The following LARP1B variants were observed in gnomAD, a reference collection of about 807,000 sequenced individuals.
LARP1B encodes La ribonucleoprotein 1B.
LARP1B carries 76 observed loss-of-function variants against 114.2 expected under a neutral mutation model. The observed-to-expected ratio is 0.67, with a 90% CI of 0.55 to 0.81. The LOEUF (loss-of-function observed/expected upper bound fraction) is 0.81, where lower values mean the gene tolerates loss of function less well. Among genes scored for constraint, LARP1B ranks in the 30% least tolerant of loss-of-function variants. LARP1B has a pLI of 0.00. For synonymous variants in LARP1B, 345 were observed against 348.0 expected (o/e 0.99, Z 0.10); for missense variants, 1,014 against 1,075.8 (o/e 0.94, Z 0.80).
intron 17 of LARP1B, among the ~76,000 whole-genome samples, chr4:128,204,380 C>T (rs1368696234): frequency 6.6e-6 from 1 of 152,014 alleles, no homozygotes; most frequent in Non-Finnish European, 1.5e-5. Context: ...AGAGGCCAGG[C>T]GTGGTGGCTC....
At chr4:128,103,963 T>C (rs1319670915) in intron 8 of LARP1B, among the ~76,000 whole-genome samples, 2 of 151,840 alleles carry the variant, frequency 1.3e-5, no homozygotes, top group Non-Finnish European at 2.9e-5. Context: ...TTTCTTTAAA[T>C]ATTTTCTTTT....
intron 7 of LARP1B, chr4:128,220,532 A>G (rs1759934645): frequency 6.0e-6 from 1 of 166,222 alleles, no homozygotes; most frequent in Admixed American, 6.5e-5. Context: ...TAATAGTCAT[A>G]TGTGTGTCTC....
At chr4:128,125,278 A>G (rs1789190191) in intron 11 of LARP1B, among the ~76,000 whole-genome samples, 1 of 151,842 alleles carries the variant, frequency 6.6e-6, no homozygotes, top group Admixed American at 6.6e-5. Context: ...TTCCCATTTA[A>G]TTGGTACCCA....
At chr4:128,214,775 G>A (rs1287089654), downstream of LARP1B, among the ~76,000 whole-genome samples, 5 of 45,012 alleles carry the variant, frequency 1.1e-4, no homozygotes, top group Admixed American at 2.5e-4. Context: ...CACCAGCAAC[G>A]GAACAAAGCT....
chr4:128,080,803 T>G (rs1770033098), intron 4 of LARP1B, among the ~76,000 whole-genome samples: 2 of 152,144 alleles, frequency 1.3e-5, no homozygotes, highest in Admixed American at 6.6e-5. Flanking sequence ...CTGTAAAATG[T>G]TCTGTCAAGT....
At chr4:128,157,142 A>C (rs903729432) in intron 11 of LARP1B, among the ~76,000 whole-genome samples, 3 of 152,244 alleles carry the variant, frequency 2.0e-5, no homozygotes, top group Middle Eastern at 3.4e-3. Flanking sequence ...ATAAGTTAAA[A>C]AATAAAAGAT....
At chr4:128,078,477 TGTA>T (rs1266305173) in intron 4 of LARP1B, among the ~76,000 whole-genome samples, 1 of 151,896 alleles carries the variant, frequency 6.6e-6, no homozygotes, top group Non-Finnish European at 1.5e-5. Context: ...GTTGCGCACT[TGTA>T]GTCCCAGCTA....
chr4:128,205,346 A>G (rs1757282189), intron 17 of LARP1B, among the ~76,000 whole-genome samples: 1 of 152,120 alleles, frequency 6.6e-6, no homozygotes, highest in Non-Finnish European at 1.5e-5. Flanking sequence ...GAGTGTTTTA[A>G]TTGTGGTATC....
chr4:128,174,231 GATGGCA>G (rs1269736723), intron 12 of LARP1B, among the ~76,000 whole-genome samples: 8 of 152,006 alleles, frequency 5.3e-5, no homozygotes, highest in Non-Finnish European at 7.4e-5. Context: ...ATGTTCAAGA[GATGGCA>G]TATGCTTTTG....
At chr4:128,084,517 C>A (rs527743581) in intron 5 of LARP1B, among the ~76,000 whole-genome samples, 2 of 151,984 alleles carry the variant, frequency 1.3e-5, no homozygotes, top group Admixed American at 1.3e-4. Context: ...CGCAGGCACT[C>A]GGCAGGCTGA....
Position 128,179,410 on chromosome 4 carries a change from C to A in LARP1B, c.1901C>A (p.Pro634Gln). ...GCTTGACTTTATTTTCTTTAGAGTC[C>A]AAGAAAGAGAAAAACAAGGCATAGC... ...KEPKAIDVKS[P>Q]RKRKTRHSTN... is the part of the protein sequence containing the mutation. Residue 634 changes from proline to glutamine, a missense_variant, in exon 15 of 20, where the codon CCA (proline) becomes CAA (glutamine). By Grantham distance (76) the Pro-to-Gln change is moderately conservative (BLOSUM62 -1). Coordinates refer to ENST00000326639, the MANE Select transcript of LARP1B (RefSeq NM_018078.4). The A allele has an allele frequency of 6.3e-7, 1 of 1,596,608 alleles. No homozygotes were observed. Among genetic ancestry groups the A allele is most frequent in the Non-Finnish European group, 8.5e-7 (1 of 1,171,776 alleles).
At chr4:128,090,689 A>C (rs1775593926) in intron 5 of LARP1B, among the ~76,000 whole-genome samples, 1 of 152,258 alleles carries the variant, frequency 6.6e-6, no homozygotes, top group Non-Finnish European at 1.5e-5. Context: ...GTACAAACTT[A>C]GTAGTCTTGG....
intron 9 of LARP1B, chr4:128,108,489 G>T (rs1266894788): frequency 1.0e-6 from 1 of 985,582 alleles, no homozygotes; most frequent in Non-Finnish European, 1.2e-6. Context: ...ATGTATTTTT[G>T]ATACATCAGT....
At chr4:128,140,908 C>G (rs577121688) in intron 11 of LARP1B, among the ~76,000 whole-genome samples, 2 of 151,498 alleles carry the variant, frequency 1.3e-5, no homozygotes, top group Non-Finnish European at 2.9e-5. Context: ...CTCCGCCTCC[C>G]GGGTTCAAGC....
chr4:128,117,162 A>C (rs188783076), intron 10 of LARP1B, among the ~76,000 whole-genome samples: 1 of 151,628 alleles, frequency 6.6e-6, no homozygotes, highest in African/African-American at 2.4e-5. Context: ...TTAGCCTCCC[A>C]AAGTGCTGGG....
chr4:128,142,682 A>G (rs1461973059), intron 11 of LARP1B, among the ~76,000 whole-genome samples: 2 of 151,564 alleles, frequency 1.3e-5, no homozygotes, highest in African/African-American at 4.8e-5. Context: ...CTAATTTTGT[A>G]TTTTTAGTAG....
intron 9 of LARP1B, 43 bp downstream of exon 9, chr4:128,107,356 A>T: frequency 6.3e-7 from 1 of 1,598,520 alleles, no homozygotes; most frequent in Admixed American, 1.7e-5. Flanking sequence ...ACAGTGGGTT[A>T]TTTGGTCCAA....
intron 11 of LARP1B, chr4:128,123,357 T>C: frequency 1.0e-6 from 1 of 984,980 alleles, no homozygotes; most frequent in Non-Finnish European, 1.2e-6. Flanking sequence ...GCATTGCTAT[T>C]TTATTTGTAA....
intron 1 of LARP1B, among the ~76,000 whole-genome samples, chr4:128,068,095 T>C (rs1763750812): frequency 1.3e-5 from 2 of 152,126 alleles, no homozygotes; most frequent in South Asian, 4.1e-4. Flanking sequence ...TTAGCCAGGA[T>C]GGTCTCGATC....
Sources: allele counts gnomAD v4.1 joint callset (sites outside exome capture counted in the v4.1 genomes callset), GRCh38; gene constraint gnomAD v4.1.1; transcripts MANE v1.5; gene names NCBI Gene and HGNC (gene_info 2026-07-23, HGNC 2026-07-21).